DEUP1: variants seen among roughly 807,000 people sequenced by gnomAD.
DEUP1 encodes deuterosome assembly protein 1.
A neutral mutation model predicts 87.4 loss-of-function variants in DEUP1; 82 were observed. The observed-to-expected ratio is 0.94, with a 90% CI of 0.78 to 1.13. The LOEUF (loss-of-function observed/expected upper bound fraction) is 1.13, where lower values mean the gene tolerates loss of function less well. Among genes scored for constraint, DEUP1 ranks in the 50% most tolerant of loss-of-function variants. The probability of loss-of-function intolerance (pLI) is 0.00; values close to 1 mark genes in which losing one functional copy is unlikely to be tolerated. For missense variants in DEUP1, 663 were observed against 681.5 expected (o/e 0.97, Z 0.30); for synonymous variants, 214 against 222.7 (o/e 0.96, Z 0.35).
At chr11:93,429,333 A>G (rs886973504) in intron 13 of DEUP1, among the ~76,000 whole-genome samples, 1 of 152,204 alleles carries the variant, frequency 6.6e-6, no homozygotes, top group Non-Finnish European at 1.5e-5. Flanking sequence ...ACTAAATAAA[A>G]TTCCTCATTT....
intron 8 of DEUP1, among the ~76,000 whole-genome samples, chr11:93,387,336 C>A (rs1946609867): frequency 6.6e-6 from 1 of 152,000 alleles, no homozygotes; most frequent in East Asian, 1.9e-4. Flanking sequence ...GTGAAATACC[C>A]CAGACTACTG....
At chr11:93,411,011 TA>T (rs1355565039) in intron 12 of DEUP1, 1 of 152,224 alleles carries the variant, frequency 6.6e-6, no homozygotes, top group African/African-American at 2.4e-5. Flanking sequence ...ACCTGTTTTT[TA>T]AAAGAAACAG....
chr11:93,399,661 A>G (rs1205067157), intron 11 of DEUP1, among the ~76,000 whole-genome samples: 1 of 151,772 alleles, frequency 6.6e-6, no homozygotes, highest in African/African-American at 2.4e-5. Flanking sequence ...TTTTTTCAAT[A>G]TCTTGGAACT....
At chr11:93,427,820 TGAACAGACACTTC>T (rs1166392657) in intron 13 of DEUP1, among the ~76,000 whole-genome samples, 2 of 139,782 alleles carry the variant, frequency 1.4e-5, no homozygotes, top group African/African-American at 5.3e-5. Context: ...GCGAAGGTCA[TGAACAGACACTTC>T]TCAAAAGAAG....
At chr11:93,418,092 A>G (rs1947711917) in intron 13 of DEUP1, among the ~76,000 whole-genome samples, 1 of 152,204 alleles carries the variant, frequency 6.6e-6, no homozygotes, top group African/African-American at 2.4e-5. Context: ...AAGAAAACCT[A>G]GGCATTACCA....
Position 93,437,950 on chromosome 11 carries a change from C to A in DEUP1, c.*231C>A. The A allele has an allele frequency of 3.1e-6, 1 of 320,952 alleles. No individual in the cohort carries two copies. The allele number at this position is 320,952 out of a possible 1,614,324, so 19.9% of individuals were successfully genotyped here. ...TGCTGTAGAGTTACTATAAAATAAA[C>A]ATGACTATTCCAAAAGAGATTTTTT... On this transcript the variant is annotated 3_prime_UTR_variant, in exon 14 of 14. Coordinates refer to ENST00000298050, the MANE Select transcript of DEUP1 (RefSeq NM_181645.4).
At chr11:93,409,808 A>G (rs1030121641) in intron 12 of DEUP1, among the ~76,000 whole-genome samples, 9 of 152,210 alleles carry the variant, frequency 5.9e-5, no homozygotes, top group Non-Finnish European at 1.2e-4. Flanking sequence ...GAGAAAAACC[A>G]TACACAACTT....
At chr11:93,368,154 A>G (rs1010259354) in intron 5 of DEUP1, among the ~76,000 whole-genome samples, 2 of 152,198 alleles carry the variant, frequency 1.3e-5, no homozygotes, top group African/African-American at 4.8e-5. Flanking sequence ...TGCTTTATCA[A>G]CCTGCTTCTA....
At chr11:93,373,415 C>T (rs983151981) in intron 7 of DEUP1, among the ~76,000 whole-genome samples, 3 of 151,920 alleles carry the variant, frequency 2.0e-5, no homozygotes, top group Admixed American at 2.0e-4. Flanking sequence ...AATAGCTTAG[C>T]TCCTACTTAT....
Position 93,437,739 on chromosome 11 carries a change from T to TGGGGGGGGGGGGGGGGGGGGGGGGG in DEUP1, c.*21_*22insGGGGGGGGGGGGGGGGGGGGGGGGG. 7.7e-7 allele frequency: 1 copy of TGGGGGGGGGGGGGGGGGGGGGGGGG among 1,305,246 alleles called. No individual in the cohort carries two copies. The highest frequency in any genetic ancestry group is 1.0e-6 in the Non-Finnish European group (1 of 952,886). The allele number at this position is 1,305,246 out of a possible 1,614,324, so 80.9% of individuals were successfully genotyped here. A position where few individuals can be genotyped will look rare whatever the true frequency, so the allele number is the denominator to read the frequency against. ...ATATGAGCTTTTAAACTTTTTTATT[T>TGGGGGGGGGGGGGGGGGGGGGGGGG]GCTTCCCCCCCCCACCCCCGCCAAG... On this transcript the variant is annotated 3_prime_UTR_variant, in exon 14 of 14. Transcript: ENST00000298050.
intron 13 of DEUP1, among the ~76,000 whole-genome samples, chr11:93,418,121 G>A (rs1416708464): frequency 2.0e-5 from 3 of 152,106 alleles, no homozygotes; most frequent in Non-Finnish European, 4.4e-5. Flanking sequence ...ATAGGCACGG[G>A]CAAGGACTTC....
intron 13 of DEUP1, among the ~76,000 whole-genome samples, chr11:93,430,752 AAAAC>A (rs1014901463): frequency 6.6e-6 from 1 of 152,206 alleles, no homozygotes; most frequent in Non-Finnish European, 1.5e-5. Context: ...TTTTATCTCA[AAAAC>A]AAACAAGAGG....
chr11:93,402,315 A>C (rs1947143890), intron 11 of DEUP1, among the ~76,000 whole-genome samples: 1 of 152,064 alleles, frequency 6.6e-6, no homozygotes, highest in African/African-American at 2.4e-5. Context: ...ATATCATCAC[A>C]TTCCAGTTAA....
At chr11:93,347,377 G>A (rs746845827) in intron 2 of DEUP1, among the ~76,000 whole-genome samples, 11 of 152,278 alleles carry the variant, frequency 7.2e-5, no homozygotes, top group Non-Finnish European at 1.2e-4. Flanking sequence ...CTACTTGAGC[G>A]TGGTGGATAA....
At chr11:93,379,751 C>CATGCACA (rs145544130) in intron 7 of DEUP1, among the ~76,000 whole-genome samples, 36,660 of 151,928 alleles carry the variant, frequency 0.24, 4,692 homozygotes, top group South Asian at 0.38. Flanking sequence ...TAGGGGCTTA[C>CATGCACA]ATGCACACCT....
At chr11:93,401,936 T>C (rs976547100) in intron 11 of DEUP1, among the ~76,000 whole-genome samples, 2 of 151,954 alleles carry the variant, frequency 1.3e-5, no homozygotes, top group African/African-American at 4.8e-5. Context: ...CTCCATGACT[T>C]TAGTCTGAGC....
At chr11:93,431,010 C>T (rs992807579) in intron 13 of DEUP1, among the ~76,000 whole-genome samples, 1 of 149,444 alleles carries the variant, frequency 6.7e-6, no homozygotes, top group South Asian at 2.1e-4. Context: ...GCAAGAGAAT[C>T]GCTTGAACCC....
rs59303199 is a variant in DEUP1, at chr11:93,362,983, A to C, written c.298-1177A>C. Among the ~76,000 whole-genome samples the C allele has an allele frequency of 7.5e-3, 1,140 of 151,978 alleles. 15 individuals are homozygous for C. Among genetic ancestry groups the C allele is most frequent in the African/African-American group, 0.026 (1,099 of 41,544 alleles). ...TTGTTCATAGCATTATTTACAGTAG[A>C]CAAAAACTGGAAAAAATCAAAATGT... is the stretch of plus-strand genomic sequence containing the variant. On this transcript the variant is annotated intron_variant, in intron 4 of 13. Coordinates refer to ENST00000298050, the MANE Select transcript of DEUP1 (RefSeq NM_181645.4).
intron 11 of DEUP1, among the ~76,000 whole-genome samples, chr11:93,396,616 T>C (rs959702062): frequency 1.3e-5 from 2 of 152,228 alleles, no homozygotes; most frequent in Non-Finnish European, 2.9e-5. Flanking sequence ...TTTGAAATCC[T>C]ACATCCTATG....
Sources: allele counts gnomAD v4.1 joint callset (sites outside exome capture counted in the v4.1 genomes callset), GRCh38; gene constraint gnomAD v4.1.1; transcripts MANE v1.5; gene names NCBI Gene and HGNC (gene_info 2026-07-23, HGNC 2026-07-21).